Variants in LRFN5 observed in about 807,000 individuals in gnomAD.
LRFN5 encodes leucine-rich repeat and fibronectin type-III domain-containing protein 5.
Under a neutral mutation model 45.6 loss-of-function variants are expected in LRFN5, and 24 were observed. The observed-to-expected ratio is 0.53, with a 90% CI of 0.38 to 0.74. The LOEUF (loss-of-function observed/expected upper bound fraction) is 0.74. Among genes scored for constraint, LRFN5 ranks in the 30% least tolerant of loss-of-function variants. The pLI is 0.00. For missense variants in LRFN5, 776 were observed against 861.5 expected, an observed-to-expected ratio of 0.90 and a Z score of 1.24; for synonymous variants, 340 against 313.8, an observed-to-expected ratio of 1.08 and a Z score of -0.88.
intron 1 of LRFN5, among the ~76,000 whole-genome samples, chr14:41,617,537 C>T (rs1332443130): frequency 6.6e-6 from 1 of 152,044 alleles, no homozygotes; most frequent in Non-Finnish European, 1.5e-5. Context: ...ATCCTCTGAT[C>T]ATATATCCTA....
rs112623473 is a variant in LRFN5, at chr14:41,631,078, A to G, written c.-197+22516A>G. Among the ~76,000 whole-genome samples the G allele has an allele frequency of 6.3e-3, 962 of 152,210 alleles. 15 individuals are homozygous for G. The highest frequency in any genetic ancestry group is 0.023 in the African/African-American group (936 of 41,542). On this transcript the variant is annotated intron_variant, in intron 1 of 5. Coordinates refer to ENST00000298119, the MANE Select transcript of LRFN5 (RefSeq NM_152447.5). ...TTCAGTCAAGTAATTTCCCCACTCA[A>G]AAACCTCTAGAGGTCCCTCATTGCT...
chr14:41,724,088 G>A (rs1445203612), intron 1 of LRFN5, among the ~76,000 whole-genome samples: 19 of 152,120 alleles, frequency 1.2e-4, no homozygotes, highest in Admixed American at 4.6e-4. Flanking sequence ...CCTCTCTCAC[G>A]TACTGGGGCT....
At chr14:41,848,641 C>G (rs1281471461) in intron 2 of LRFN5, among the ~76,000 whole-genome samples, 1 of 152,006 alleles carries the variant, frequency 6.6e-6, no homozygotes. Context: ...TTGGGAAATT[C>G]TAAAACACTT....
intron 1 of LRFN5, among the ~76,000 whole-genome samples, chr14:41,741,014 T>C (rs1048177461): frequency 1.3e-5 from 2 of 149,944 alleles, no homozygotes; most frequent in African/African-American, 4.8e-5. Flanking sequence ...GGAATACATT[T>C]AACTGAAGAG....
At chr14:41,797,230 G>C (rs935425316) in intron 2 of LRFN5, among the ~76,000 whole-genome samples, 3 of 151,234 alleles carry the variant, frequency 2.0e-5, no homozygotes, top group African/African-American at 7.3e-5. Flanking sequence ...TATTTATTTG[G>C]GCATTAATTT....
intron 2 of LRFN5, among the ~76,000 whole-genome samples, chr14:41,798,756 C>G (rs762920264): frequency 6.6e-6 from 1 of 151,826 alleles, no homozygotes; most frequent in Admixed American, 6.6e-5. Flanking sequence ...CAACTTATGC[C>G]TTTTATCATG....
At chr14:41,657,401 A>G (rs1880429515) in intron 1 of LRFN5, among the ~76,000 whole-genome samples, 2 of 151,912 alleles carry the variant, frequency 1.3e-5, no homozygotes, top group South Asian at 4.1e-4. Context: ...AATGATGTAA[A>G]AGCGAGTGGA....
At chr14:41,634,650 A>G (rs1170853977) in intron 1 of LRFN5, among the ~76,000 whole-genome samples, 1 of 152,162 alleles carries the variant, frequency 6.6e-6, no homozygotes, top group Non-Finnish European at 1.5e-5. Flanking sequence ...TAACTATAAT[A>G]TATCTTGTAA....
intron 2 of LRFN5, among the ~76,000 whole-genome samples, chr14:41,805,390 T>TTTTA (rs60289355): frequency 0.18 from 25,749 of 146,004 alleles, 3,636 homozygotes; most frequent in East Asian, 0.47. Flanking sequence ...ATAAGTTTTA[T>TTTTA]TTTATTTATT....
In LRFN5 at chr14:41,886,620, T is replaced by C. The variant is rs1425649112; in HGVS notation, c.-6T>C. 2 of 1,565,636 alleles carry C rather than the reference T, an allele frequency of 1.3e-6. No homozygotes were observed. The highest frequency in any genetic ancestry group is 4.0e-5 in the Admixed American group (2 of 49,742). On this transcript the variant is annotated 5_prime_UTR_variant, in exon 3 of 6. Transcript: ENST00000298119. Reference sequence around the variant, plus strand: ...TTCCGTTACAGGCTCTTAAACCTGATCTACAATGGAAAAAATTCTTTTTTA... The same window carrying C: ...TTCCGTTACAGGCTCTTAAACCTGACCTACAATGGAAAAAATTCTTTTTTA...
At chr14:41,771,531 T>G (rs1401953944) in intron 2 of LRFN5, among the ~76,000 whole-genome samples, 1 of 152,124 alleles carries the variant, frequency 6.6e-6, no homozygotes, top group Non-Finnish European at 1.5e-5. Flanking sequence ...AACATTTTGC[T>G]GCTTAGAATT....
intron 1 of LRFN5, among the ~76,000 whole-genome samples, chr14:41,658,625 G>C (rs953958117): frequency 1.3e-5 from 2 of 151,670 alleles, no homozygotes; most frequent in African/African-American, 4.8e-5. Context: ...CCAATGATAC[G>C]CAATTATCCT....
chr14:41,778,580 A>T (rs1294925260), intron 2 of LRFN5, among the ~76,000 whole-genome samples: 1 of 151,688 alleles, frequency 6.6e-6, no homozygotes, highest in Non-Finnish European at 1.5e-5. Flanking sequence ...TATTTTTGTA[A>T]CATTTAATGA....
At chr14:41,751,746 A>G (rs1226562704) in intron 1 of LRFN5, among the ~76,000 whole-genome samples, 2 of 152,076 alleles carry the variant, frequency 1.3e-5, no homozygotes, top group African/African-American at 4.8e-5. Context: ...CTCCAAACTT[A>G]AGTCCCACAC....
At chr14:41,743,163 A>G (rs1209984318) in intron 1 of LRFN5, among the ~76,000 whole-genome samples, 1 of 152,144 alleles carries the variant, frequency 6.6e-6, no homozygotes, top group African/African-American at 2.4e-5. Context: ...TGCTTGAGGA[A>G]ATTTTGATTT....
At chr14:41,654,206 A>T (rs568891067) in intron 1 of LRFN5, among the ~76,000 whole-genome samples, 51 of 152,164 alleles carry the variant, frequency 3.4e-4, no homozygotes, top group Admixed American at 9.2e-4. Flanking sequence ...ATAATAATAA[A>T]AAAAAAGAAA....
At chr14:41,823,161 G>T (rs949505316) in intron 2 of LRFN5, among the ~76,000 whole-genome samples, 1 of 151,884 alleles carries the variant, frequency 6.6e-6, no homozygotes, top group African/African-American at 2.4e-5. Context: ...GTGACTTATT[G>T]TTTCTGTCAT....
At chr14:41,667,653 G>T (rs1348655179) in intron 1 of LRFN5, among the ~76,000 whole-genome samples, 2 of 151,994 alleles carry the variant, frequency 1.3e-5, no homozygotes, top group African/African-American at 4.8e-5. Flanking sequence ...TTTTTCCCTA[G>T]TGTCAGCCTA....
intron 1 of LRFN5, among the ~76,000 whole-genome samples, chr14:41,638,504 C>A (rs1188549973): frequency 6.6e-6 from 1 of 152,010 alleles, no homozygotes; most frequent in Non-Finnish European, 1.5e-5. Context: ...GGACTGTGAA[C>A]ATGTAGTATA....
Sources: gnomAD v4.1 joint callset for allele counts (sites outside exome capture counted in the v4.1 genomes callset) on GRCh38, gnomAD v4.1.1 for gene constraint, MANE v1.5 for transcripts, NCBI Gene and HGNC (gene_info 2026-07-23, HGNC 2026-07-21) for gene names.